The following CNTN4 variants were observed in gnomAD, a reference collection of about 807,000 sequenced individuals.
CNTN4 encodes contactin-4.
Under a neutral mutation model 122.5 loss-of-function variants are expected in CNTN4, and 77 were observed. The ratio of observed to expected loss-of-function variants is 0.63; its 90% CI spans 0.52 to 0.76. CNTN4 has a LOEUF of 0.76. CNTN4 is among the 30% of genes least tolerant of loss of function. CNTN4 has a pLI of 0.00. For synonymous variants in CNTN4, 512 were observed against 447.0 expected (o/e 1.15, Z -1.83); for missense variants, 1,256 against 1,259.1 (o/e 1.00, Z 0.04).
Position 2,196,682 on chromosome 3 carries a change from G to T in CNTN4, c.-145+96043G>T, listed in dbSNP as rs2037848047. Among the ~76,000 whole-genome samples the T allele has an allele frequency of 5.3e-5, 8 of 152,054 alleles. No homozygotes were observed. In the South Asian group the frequency reaches 1.7e-3, roughly 31 times the overall value. ...AAGGCCGTTGGCTTTGTTGACTGGGGTGTGTTATGTGTGAATCACTCCTAT... is the reference window on the plus strand; with the variant it reads ...AAGGCCGTTGGCTTTGTTGACTGGGTTGTGTTATGTGTGAATCACTCCTAT... On this transcript the variant is annotated intron_variant, in intron 2 of 24. Transcript: ENST00000418658.
intron 2 of CNTN4, among the ~76,000 whole-genome samples, chr3:2,338,001 T>C (rs2044024766): frequency 6.6e-6 from 1 of 152,112 alleles, no homozygotes; most frequent in African/African-American, 2.4e-5. Flanking sequence ...AGCTGGTAAC[T>C]GACCATATTA....
At chr3:2,189,642 G>A (rs1365810924) in intron 2 of CNTN4, among the ~76,000 whole-genome samples, 1 of 152,132 alleles carries the variant, frequency 6.6e-6, no homozygotes, top group Non-Finnish European at 1.5e-5. Flanking sequence ...ATGAGGGGCT[G>A]GAGCCCCATT....
chr3:2,112,065 C>T (rs571222006), intron 2 of CNTN4, among the ~76,000 whole-genome samples: 10 of 152,018 alleles, frequency 6.6e-5, no homozygotes, highest in South Asian at 2.1e-4. Context: ...ACTATTACTG[C>T]GAGCCACTGT....
rs140901186 is a variant in CNTN4, at chr3:3,035,211, G to T, written c.1942+421G>T. Among the ~76,000 whole-genome samples the T allele has an allele frequency of 7.4e-4, 113 of 151,758 alleles. 1 individual carries two copies. The East Asian group carries it at 0.021, about 28-fold the overall frequency. On this transcript the variant is annotated intron_variant, in intron 17 of 24. Coordinates refer to ENST00000418658, the MANE Select transcript of CNTN4 (RefSeq NM_175607.3). ...CAGTCCTAGCAACTCAGGAGGCTGAGGTGGGAGGATTGCTTGAGCCCAGGA... is the reference window on the plus strand; with the variant it reads ...CAGTCCTAGCAACTCAGGAGGCTGATGTGGGAGGATTGCTTGAGCCCAGGA...
intron 2 of CNTN4, among the ~76,000 whole-genome samples, chr3:2,319,765 C>T (rs1050548259): frequency 2.6e-5 from 4 of 152,024 alleles, no homozygotes; most frequent in Non-Finnish European, 5.9e-5. Flanking sequence ...AATTAAACAC[C>T]GATTTTTGAC....
At chr3:2,303,627 C>G (rs530528168) in intron 2 of CNTN4, among the ~76,000 whole-genome samples, 2 of 152,320 alleles carry the variant, frequency 1.3e-5, no homozygotes, top group Admixed American at 6.5e-5. Flanking sequence ...TTGACCACAG[C>G]TGTCTGTTAT....
chr3:2,146,766 G>A (rs2035264466), intron 2 of CNTN4, among the ~76,000 whole-genome samples: 1 of 152,152 alleles, frequency 6.6e-6, no homozygotes, highest in African/African-American at 2.4e-5. Flanking sequence ...CCTATAAAAT[G>A]GTGATTATCA....
chr3:2,178,191 C>T (rs1490448903), intron 2 of CNTN4, among the ~76,000 whole-genome samples: 1 of 152,004 alleles, frequency 6.6e-6, no homozygotes, highest in Non-Finnish European at 1.5e-5. Context: ...CTTTGAGCTT[C>T]TCAAGGGCCA....
At chr3:2,734,564 C>G (rs2088942842) in intron 4 of CNTN4, among the ~76,000 whole-genome samples, 1 of 152,038 alleles carries the variant, frequency 6.6e-6, no homozygotes. Context: ...GTGGGCCGTC[C>G]TCAGTCCCCA....
intron 3 of CNTN4, among the ~76,000 whole-genome samples, chr3:2,339,609 T>A (rs949898199): frequency 6.6e-6 from 1 of 152,206 alleles, no homozygotes; most frequent in Non-Finnish European, 1.5e-5. Flanking sequence ...CCAACACAAA[T>A]ATTAAGTTAA....
At chr3:2,806,010 T>G (rs1219127476) in intron 6 of CNTN4, among the ~76,000 whole-genome samples, 3 of 152,132 alleles carry the variant, frequency 2.0e-5, no homozygotes, top group Non-Finnish European at 2.9e-5. Flanking sequence ...CACGCCATTC[T>G]CCTGCCTCAG....
chr3:3,013,850 C>T (rs1271016959), intron 14 of CNTN4, among the ~76,000 whole-genome samples: 2 of 152,270 alleles, frequency 1.3e-5, no homozygotes, highest in East Asian at 1.9e-4. Flanking sequence ...TCTTGCACTG[C>T]AGCCCAGAGA....
chr3:2,301,583 T>G (rs1178494), intron 2 of CNTN4, among the ~76,000 whole-genome samples: 41,000 of 152,144 alleles, frequency 0.27, 5,721 homozygotes, highest in East Asian at 0.52. Flanking sequence ...CTTCACCATA[T>G]GTTTTATTCC....
intron 3 of CNTN4, among the ~76,000 whole-genome samples, chr3:2,399,607 G>C (rs2046767267): frequency 6.6e-6 from 1 of 151,808 alleles, no homozygotes; most frequent in Non-Finnish European, 1.5e-5. Context: ...TGATTATTGT[G>C]AGAATTGAAT....
intron 13 of CNTN4, among the ~76,000 whole-genome samples, chr3:2,964,978 T>C (rs1476581926): frequency 6.6e-6 from 1 of 152,186 alleles, no homozygotes; most frequent in East Asian, 1.9e-4. Flanking sequence ...CAGCAGTGAA[T>C]GAGAAAAAGA....
At chr3:2,104,718 G>A (rs898994372) in intron 2 of CNTN4, among the ~76,000 whole-genome samples, 1 of 152,202 alleles carries the variant, frequency 6.6e-6, no homozygotes, top group African/African-American at 2.4e-5. Flanking sequence ...GAGAAGTGGT[G>A]TCTAGCTGAG....
At chr3:2,177,071 A>G (rs572254274) in intron 2 of CNTN4, among the ~76,000 whole-genome samples, 136 of 152,146 alleles carry the variant, frequency 8.9e-4, no homozygotes, top group Non-Finnish European at 1.0e-3. Flanking sequence ...TTCCTTGTAT[A>G]TCAAATAGTT....
chr3:2,798,671 G>C (rs114678089), intron 6 of CNTN4, among the ~76,000 whole-genome samples: 1,629 of 152,038 alleles, frequency 0.011, 32 homozygotes, highest in African/African-American at 0.036. Context: ...CAAAACACTT[G>C]GCTGTTTTTT....
intron 2 of CNTN4, among the ~76,000 whole-genome samples, chr3:2,231,643 C>T (rs1035677076): frequency 6.6e-6 from 1 of 152,146 alleles, no homozygotes; most frequent in African/African-American, 2.4e-5. Context: ...ATCCAAGGCT[C>T]ACGAGAATCA....
Sources: gnomAD v4.1 joint callset for allele counts (sites outside exome capture counted in the v4.1 genomes callset) on GRCh38, gnomAD v4.1.1 for gene constraint, MANE v1.5 for transcripts, NCBI Gene and HGNC (gene_info 2026-07-23, HGNC 2026-07-21) for gene names.